Variants in ZNF875 observed in about 807,000 individuals in gnomAD.
The protein encoded by ZNF875 is zinc finger protein 875.
A neutral mutation model predicts 11.2 loss-of-function variants in ZNF875; 14 were observed. The ratio of observed to expected loss-of-function variants is 1.26; its 90% CI spans 0.83 to 1.96. The LOEUF (loss-of-function observed/expected upper bound fraction) is 1.96, where lower values mean the gene tolerates loss of function less well. Among genes scored for constraint, ZNF875 ranks in the 30% most tolerant of loss-of-function variants. The probability of loss-of-function intolerance (pLI) is 0.00; values close to 1 mark genes in which losing one functional copy is unlikely to be tolerated. For synonymous variants in ZNF875, 301 were observed against 281.1 expected (o/e 1.07, Z -0.71); for missense variants, 752 against 760.4 (o/e 0.99, Z 0.13).
At chr19:37,322,900 C>A (rs1360749718) in intron 2 of ZNF875, among the ~76,000 whole-genome samples, 1 of 152,084 alleles carries the variant, frequency 6.6e-6, no homozygotes, top group Non-Finnish European at 1.5e-5. Flanking sequence ...TAATTTGGGC[C>A]TACATGTGTC....
At chr19:37,359,156 T>C (rs1015168277) in intron 4 of ZNF875, among the ~76,000 whole-genome samples, 8 of 149,318 alleles carry the variant, frequency 5.4e-5, no homozygotes, top group African/African-American at 2.0e-4. Flanking sequence ...ACCTCAGCCT[T>C]CCAAAGTGCT....
chr19:37,342,679 T>C (rs1479149143), intron 2 of ZNF875, among the ~76,000 whole-genome samples: 1 of 152,162 alleles, frequency 6.6e-6, no homozygotes. Context: ...CCCAAAGTGT[T>C]GGGATTACAA....
At chr19:37,326,020 T>C (rs1252688732) in intron 4 of ZNF875, among the ~76,000 whole-genome samples, 1 of 152,148 alleles carries the variant, frequency 6.6e-6, no homozygotes, top group East Asian at 1.9e-4. Context: ...GATTTTTTTT[T>C]TCTGAAGAGA....
chr19:37,330,950 G>A (rs1201739220), upstream of ZNF875, among the ~76,000 whole-genome samples: 1 of 152,070 alleles, frequency 6.6e-6, no homozygotes, highest in Non-Finnish European at 1.5e-5. Flanking sequence ...CGTTTGGGAG[G>A]CTGAGGCGGG....
intron 4 of ZNF875, among the ~76,000 whole-genome samples, chr19:37,329,431 T>C (rs2033039643): frequency 6.6e-6 from 1 of 152,174 alleles, no homozygotes; most frequent in Non-Finnish European, 1.5e-5. Context: ...GGTTTCCCAC[T>C]AAATGGAGAG....
upstream of ZNF875, among the ~76,000 whole-genome samples, chr19:37,331,766 C>T (rs147807414): frequency 4.4e-3 from 630 of 142,524 alleles, 6 homozygotes; most frequent in African/African-American, 0.014. Flanking sequence ...AAGATGGCCT[C>T]GTGGGAAGGG....
intron 1 of ZNF875, among the ~76,000 whole-genome samples, chr19:37,319,868 C>G (rs1303830711): frequency 6.6e-6 from 1 of 152,162 alleles, no homozygotes; most frequent in Admixed American, 6.5e-5. Context: ...TTGACTCCCT[C>G]TAACTCAGAG....
chr19:37,333,653 G>T (rs1023082368), upstream of ZNF875, among the ~76,000 whole-genome samples: 2 of 152,040 alleles, frequency 1.3e-5, no homozygotes, highest in African/African-American at 4.8e-5. Flanking sequence ...AAGGAAGTCA[G>T]GAAAGGAAAA....
intron 4 of ZNF875, among the ~76,000 whole-genome samples, chr19:37,361,006 G>A (rs1404740061): frequency 4.0e-5 from 6 of 150,518 alleles, no homozygotes; most frequent in Admixed American, 4.0e-4. Flanking sequence ...GAAATTTTAT[G>A]CTTACAAAAT....
In ZNF875 at chr19:37,362,703, G is replaced by T. The variant is rs149990980; in HGVS notation, c.851G>T (p.Cys284Phe). ...RTHSGGKPYV[C>F]RECGRGFTWK... ...CACTCTGGGGGAAAGCCTTATGTGTGCAGGGAATGTGGGCGAGGCTTTACG... is the reference window on the plus strand; with the variant it reads ...CACTCTGGGGGAAAGCCTTATGTGTTCAGGGAATGTGGGCGAGGCTTTACG... Residue 284 changes from cysteine to phenylalanine, a missense_variant, in exon 5 of 5, where the codon TGC becomes TTC. By Grantham distance (205) the Cys-to-Phe change is radical. Transcript: ENST00000392153. 53 of 1,613,416 alleles carry T rather than the reference G, an allele frequency of 3.3e-5. No individual in the cohort carries two copies. Among genetic ancestry groups the T allele is most frequent in the African/African-American group, 5.3e-5 (4 of 74,928 alleles).
chr19:37,343,103 C>A (rs2036063744), intron 2 of ZNF875, among the ~76,000 whole-genome samples: 1 of 152,108 alleles, frequency 6.6e-6, no homozygotes. Flanking sequence ...CTTTGGGAGG[C>A]CGAGGCGGGC....
chr19:37,347,774 C>G lies in ZNF875; in HGVS notation c.161-3C>G. On this transcript the variant is annotated splice_region_variant and splice_polypyrimidine_tract_variant and intron_variant, in intron 3 of 4. Coordinates refer to ENST00000392153, the MANE Select transcript of ZNF875 (RefSeq NM_001353803.2). The stretch of plus-strand genomic sequence containing the variant: ...ATGTCCTCATTTTCTTCCCTATGAA[C>G]AGAAATTCCATCTTCTAAACCAAAA... 6.2e-7 allele frequency: 1 copy of G among 1,600,850 alleles called. No homozygotes were observed. Among genetic ancestry groups the G allele is most frequent in the South Asian group, 1.1e-5 (1 of 90,786 alleles).
intron 2 of ZNF875, among the ~76,000 whole-genome samples, chr19:37,341,454 G>T (rs920969905): frequency 6.6e-6 from 1 of 152,164 alleles, no homozygotes; most frequent in African/African-American, 2.4e-5. Flanking sequence ...TTCCATGTGG[G>T]CTTGGGCTTG....
intron 4 of ZNF875, among the ~76,000 whole-genome samples, chr19:37,354,575 G>T (rs2038569817): frequency 6.6e-6 from 1 of 151,802 alleles, no homozygotes; most frequent in African/African-American, 2.4e-5. Flanking sequence ...CAGAATATTT[G>T]CAAAAATAAA....
chr19:37,315,566 GT>G (rs935987053), upstream of ZNF875: 1 of 152,054 alleles, frequency 6.6e-6, no homozygotes, highest in Non-Finnish European at 1.5e-5. Flanking sequence ...AATTTAAAAT[GT>G]TCCCTCCCAA....
At chr19:37,356,114 C>T (rs1466089410) in intron 4 of ZNF875, among the ~76,000 whole-genome samples, 1 of 152,146 alleles carries the variant, frequency 6.6e-6, no homozygotes, top group Non-Finnish European at 1.5e-5. Flanking sequence ...TGATTTCATT[C>T]TTTTTTATGG....
At chr19:37,344,332 C>G (rs943627494) in intron 2 of ZNF875, among the ~76,000 whole-genome samples, 2 of 152,144 alleles carry the variant, frequency 1.3e-5, no homozygotes, top group African/African-American at 2.4e-5. Context: ...CCCGCAATTT[C>G]TGATTCAGTA....
intron 4 of ZNF875, among the ~76,000 whole-genome samples, chr19:37,349,172 G>A (rs2037380911): frequency 6.6e-6 from 1 of 152,050 alleles, no homozygotes; most frequent in South Asian, 2.1e-4. Context: ...TGTTTGTAAG[G>A]ACATTATTCA....
intron 1 of ZNF875, among the ~76,000 whole-genome samples, chr19:37,321,667 C>CA (rs2031489673): frequency 6.6e-6 from 1 of 152,148 alleles, no homozygotes; most frequent in Admixed American, 6.5e-5. Context: ...TGTGGAGGGG[C>CA]AGGCCATCCC....
Sources: allele counts gnomAD v4.1 joint callset (sites outside exome capture counted in the v4.1 genomes callset), GRCh38; gene constraint gnomAD v4.1.1; transcripts MANE v1.5; gene names NCBI Gene and HGNC (gene_info 2026-07-23, HGNC 2026-07-21).